Variants in GAS2 observed in about 807,000 individuals in gnomAD.
GAS2 encodes the protein growth arrest specific 2.
Under a neutral mutation model 37.5 loss-of-function variants are expected in GAS2, and 20 were observed. The observed-to-expected ratio is 0.53, with a 90% CI of 0.37 to 0.77. The LOEUF is 0.77. Ranked by LOEUF, GAS2 falls within the 30% of genes least tolerant of loss-of-function variation. GAS2 has a pLI of 0.00. For synonymous variants in GAS2, 144 were observed against 132.2 expected (o/e 1.09, Z -0.61); for missense variants, 336 against 373.4 (o/e 0.90, Z 0.82).
At chr11:22,669,337 A>G (rs1376465578) in intron 1 of GAS2, among the ~76,000 whole-genome samples, 1 of 152,132 alleles carries the variant, frequency 6.6e-6, no homozygotes, top group African/African-American at 2.4e-5. Flanking sequence ...GGTAGGGGTT[A>G]AAAAAACCTA....
chr11:22,768,185 A>G (rs2134410665), intron 7 of GAS2, among the ~76,000 whole-genome samples: 1 of 152,354 alleles, frequency 6.6e-6, no homozygotes, highest in South Asian at 2.1e-4. Context: ...TGGGAGGAAC[A>G]GTGTGTGAAA....
intron 1 of GAS2, among the ~76,000 whole-genome samples, chr11:22,651,848 T>G (rs1848780493): frequency 6.6e-6 from 1 of 152,196 alleles, no homozygotes; most frequent in East Asian, 1.9e-4. Flanking sequence ...TTTCAACTTC[T>G]TTGCCTTTGG....
intron 7 of GAS2, among the ~76,000 whole-genome samples, chr11:22,802,103 A>G (rs1856688413): frequency 6.6e-6 from 1 of 152,126 alleles, no homozygotes; most frequent in African/African-American, 2.4e-5. Context: ...GAAATGATTT[A>G]CAGTGTTTGC....
At chr11:22,715,417 C>T (rs12416834) in intron 3 of GAS2, among the ~76,000 whole-genome samples, 21 of 131,446 alleles carry the variant, frequency 1.6e-4, no homozygotes, top group Admixed American at 9.6e-4. Flanking sequence ...GCTGAGATCA[C>T]GCCATTGCAC....
chr11:22,810,862 G>A (rs1323225666), intron 7 of GAS2, among the ~76,000 whole-genome samples: 1 of 152,120 alleles, frequency 6.6e-6, no homozygotes, highest in Non-Finnish European at 1.5e-5. Context: ...AATTGAAACA[G>A]ATTTTATAGG....
At chr11:22,639,131 AG>A (rs746699412) in intron 1 of GAS2, among the ~76,000 whole-genome samples, 4 of 152,180 alleles carry the variant, frequency 2.6e-5, no homozygotes, top group Non-Finnish European at 5.9e-5. Flanking sequence ...TCTGGAAAAA[AG>A]GGTTCCATAT....
At chr11:22,787,821 G>T (rs1277915176) in intron 7 of GAS2, among the ~76,000 whole-genome samples, 1 of 152,146 alleles carries the variant, frequency 6.6e-6, no homozygotes, top group Admixed American at 6.5e-5. Context: ...TCAATGTCAG[G>T]TATTCAGGGT....
intron 7 of GAS2, among the ~76,000 whole-genome samples, chr11:22,772,158 T>G (rs1055715611): frequency 1.1e-4 from 17 of 152,152 alleles, no homozygotes; most frequent in Admixed American, 9.2e-4. Context: ...TATAGACTTA[T>G]GAAGCAAGTT....
chr11:22,683,196 T>C (rs1849779768), intron 2 of GAS2, among the ~76,000 whole-genome samples: 1 of 152,230 alleles, frequency 6.6e-6, no homozygotes, highest in Non-Finnish European at 1.5e-5. Flanking sequence ...CAGATGTTTC[T>C]TGAAATCCAA....
At chr11:22,743,805 C>G (rs1264560668) in intron 5 of GAS2, among the ~76,000 whole-genome samples, 1 of 152,062 alleles carries the variant, frequency 6.6e-6, no homozygotes, top group Non-Finnish European at 1.5e-5. Context: ...CAGAGCATAA[C>G]TGAAGAAAAT....
chr11:22,772,552 T>A (rs568029855), intron 7 of GAS2, among the ~76,000 whole-genome samples: 6 of 152,322 alleles, frequency 3.9e-5, no homozygotes, highest in East Asian at 1.9e-4. Context: ...AAATTTTTTT[T>A]AAAAATCGCT....
At chr11:22,697,929 C>G (rs547028502) in intron 3 of GAS2, among the ~76,000 whole-genome samples, 1 of 152,068 alleles carries the variant, frequency 6.6e-6, no homozygotes. Context: ...AATTGAATAC[C>G]CTTTATTTCC....
intron 4 of GAS2, among the ~76,000 whole-genome samples, chr11:22,733,021 G>A (rs1852560938): frequency 6.6e-6 from 1 of 151,430 alleles, no homozygotes; most frequent in Non-Finnish European, 1.5e-5. Context: ...GAGCTGGATA[G>A]GTCCCCAAAT....
intron 3 of GAS2, among the ~76,000 whole-genome samples, chr11:22,725,610 A>C (rs1037276783): frequency 2.0e-5 from 3 of 152,052 alleles, no homozygotes; most frequent in Non-Finnish European, 4.4e-5. Context: ...TTTTATTTGT[A>C]GAGATAGGAT....
At chr11:22,737,671 T>C in intron 4 of GAS2, 34 bp from the exon 5 acceptor site, 5 of 1,606,110 alleles carry the variant, frequency 3.1e-6, no homozygotes, top group Non-Finnish European at 4.3e-6. Flanking sequence ...ATTCCTTCTA[T>C]TGTAAAGGTG....
chr11:22,639,864 G>C (rs1228724086), intron 1 of GAS2, among the ~76,000 whole-genome samples: 1 of 152,160 alleles, frequency 6.6e-6, no homozygotes, highest in African/African-American at 2.4e-5. Flanking sequence ...GTATGCCTGA[G>C]ATACCGATCT....
intron 6 of GAS2, chr11:22,755,633 T>C: frequency 2.4e-6 from 1 of 422,934 alleles, no homozygotes; most frequent in South Asian, 3.7e-5. Context: ...AGCTAACTTA[T>C]GCCTTAGTGC....
Position 22,666,883 on chromosome 11 carries a change from C to CA in GAS2, c.-36dup, listed in dbSNP as rs1172105585. On this transcript the variant is annotated 5_prime_UTR_variant, in exon 1 of 8. Transcript: ENST00000454584. The stretch of plus-strand genomic sequence containing the variant: ...GCGCCTCTGAGAGCCGCCAGCAGCC[C>CA]AGCTCGGGACGCGGGGGTGAGCACG... The CA allele has an allele frequency of 6.6e-6, 1 of 152,518 alleles. No individual in the cohort carries two copies. Among genetic ancestry groups the CA allele is most frequent in the Non-Finnish European group, 1.5e-5 (1 of 68,312 alleles). 9.4% of individuals were successfully genotyped at this position (152,518 alleles called of 1,614,324 possible).
intron 5 of GAS2, among the ~76,000 whole-genome samples, chr11:22,741,801 CAG>C (rs2134247040): frequency 6.6e-6 from 1 of 152,122 alleles, no homozygotes; most frequent in African/African-American, 2.4e-5. Flanking sequence ...TGCTTTAAAA[CAG>C]AAGATAAATG....
Sources: allele counts gnomAD v4.1 joint callset (sites outside exome capture counted in the v4.1 genomes callset), GRCh38; gene constraint gnomAD v4.1.1; transcripts MANE v1.5; gene names NCBI Gene and HGNC (gene_info 2026-07-23, HGNC 2026-07-21).